Variants in CNTN4 observed in about 807,000 individuals in gnomAD.
CNTN4 encodes contactin 4.
CNTN4 carries 77 observed loss-of-function variants against 122.5 expected under a neutral mutation model. That is an observed-to-expected ratio of 0.63 (90% CI 0.52 to 0.76). CNTN4 has a LOEUF of 0.76. Ranked by LOEUF, CNTN4 falls within the 30% of genes least tolerant of loss-of-function variation. CNTN4 has a pLI of 0.00. For synonymous variants in CNTN4, 512 were observed against 447.0 expected (o/e 1.15, Z -1.83); for missense variants, 1,256 against 1,259.1 (o/e 1.00, Z 0.04).
chr3:3,042,702 C>A (rs1375505109), intron 21 of CNTN4: 15 of 584,710 alleles, frequency 2.6e-5, no homozygotes, highest in Middle Eastern at 4.5e-4. Context: ...TGCCCAGGAT[C>A]ACTTTGACTC....
intron 23 of CNTN4, among the ~76,000 whole-genome samples, chr3:3,047,196 C>A (rs567089429): frequency 6.6e-6 from 1 of 152,082 alleles, no homozygotes. Context: ...TAACACCCCA[C>A]TGTCAACATC....
chr3:2,211,878 T>C (rs945568376), intron 2 of CNTN4, among the ~76,000 whole-genome samples: 1 of 152,188 alleles, frequency 6.6e-6, no homozygotes, highest in Non-Finnish European at 1.5e-5. Context: ...ATAGGGTATG[T>C]TTTTAAAATT....
chr3:2,670,472 T>G (rs1219264193), intron 4 of CNTN4, among the ~76,000 whole-genome samples: 2 of 152,220 alleles, frequency 1.3e-5, no homozygotes, highest in Non-Finnish European at 2.9e-5. Context: ...CCCTTTACTT[T>G]GAGCCTATGT....
chr3:2,417,774 C>T (rs188006981), intron 3 of CNTN4, among the ~76,000 whole-genome samples: 1 of 152,164 alleles, frequency 6.6e-6, no homozygotes, highest in African/African-American at 2.4e-5. Context: ...CTGTGGTACA[C>T]CTAGAGAATG....
intron 2 of CNTN4, among the ~76,000 whole-genome samples, chr3:2,137,459 G>A (rs2034749504): frequency 6.6e-6 from 1 of 151,780 alleles, no homozygotes; most frequent in African/African-American, 2.4e-5. Context: ...GGGATGTCTT[G>A]TCTATATTTT....
intron 16 of CNTN4, 33 bp from the exon 17 acceptor site, chr3:3,034,599 T>G (rs1282593035): frequency 6.2e-7 from 1 of 1,612,522 alleles, no homozygotes; most frequent in Admixed American, 1.7e-5. Flanking sequence ...TTGAATACAC[T>G]GCTCCAATTC....
chr3:2,667,080 G>A (rs7646291), intron 4 of CNTN4, among the ~76,000 whole-genome samples: 65,167 of 151,816 alleles, frequency 0.43, 14,556 homozygotes, highest in South Asian at 0.57. Flanking sequence ...TAGCAGCATG[G>A]TTTATAATCC....
chr3:2,795,520 C>CTTTTTT (rs11329789), intron 6 of CNTN4, among the ~76,000 whole-genome samples: 3 of 139,112 alleles, frequency 2.2e-5, no homozygotes, highest in Non-Finnish European at 3.1e-5. Context: ...AAATGGGTAT[C>CTTTTTT]TTTTTTTTTT....
At chr3:2,818,920 C>T (rs1487615509) in intron 6 of CNTN4, among the ~76,000 whole-genome samples, 1 of 152,130 alleles carries the variant, frequency 6.6e-6, no homozygotes, top group East Asian at 1.9e-4. Flanking sequence ...TAAAGAGAGA[C>T]AGTCACACTC....
At chr3:2,732,469 C>T (rs755331955) in intron 4 of CNTN4, among the ~76,000 whole-genome samples, 2 of 151,440 alleles carry the variant, frequency 1.3e-5, no homozygotes, top group African/African-American at 2.4e-5. Context: ...AAATCACAGC[C>T]ACTCTTCTGG....
intron 3 of CNTN4, among the ~76,000 whole-genome samples, chr3:2,377,697 G>A (rs7622523): frequency 0.024 from 3,692 of 152,258 alleles, 163 homozygotes; most frequent in African/African-American, 0.083. Context: ...CCTGTGGACC[G>A]CATGTGGCCA....
At chr3:2,297,243 C>T (rs1392777351) in intron 2 of CNTN4, among the ~76,000 whole-genome samples, 1 of 152,118 alleles carries the variant, frequency 6.6e-6, no homozygotes, top group Admixed American at 6.5e-5. Context: ...GCACAGAAAG[C>T]TTCGTAATTT....
intron 3 of CNTN4, among the ~76,000 whole-genome samples, chr3:2,390,047 G>C (rs1164750045): frequency 6.6e-6 from 1 of 152,112 alleles, no homozygotes; most frequent in African/African-American, 2.4e-5. Context: ...GGAAAAATAT[G>C]AATAGGGTGT....
At position 2,798,365 on chromosome 3, in the gene CNTN4, A is replaced by ATCT. The variant is rs60905770; in HGVS notation, c.359-21121_359-21120insTCT. ...ATACATACTATATCTATACACACAT[A>ATCT]AATCTATCTATCTATCTATCTATCT... On this transcript the variant is annotated intron_variant, in intron 6 of 24. Transcript: ENST00000418658. Among the ~76,000 whole-genome samples the ATCT allele has an allele frequency of 1.9e-3, 279 of 143,502 alleles. 2 individuals carry two copies. Among genetic ancestry groups the ATCT allele is most frequent in the Admixed American group, 3.6e-3 (51 of 14,050 alleles). 94.1% of individuals were successfully genotyped at this position (143,502 alleles called of 152,430 possible). A position where few individuals can be genotyped will look rare whatever the true frequency, so the allele number is the denominator to read the frequency against.
At chr3:2,991,959 C>G (rs541024462) in intron 14 of CNTN4, among the ~76,000 whole-genome samples, 17 of 152,294 alleles carry the variant, frequency 1.1e-4, no homozygotes, top group African/African-American at 4.1e-4. Context: ...GAAGGTCGGG[C>G]GTCAGAACAT....
intron 4 of CNTN4, among the ~76,000 whole-genome samples, chr3:2,656,670 T>G (rs773427911): frequency 5.3e-5 from 8 of 152,178 alleles, no homozygotes; most frequent in Non-Finnish European, 1.2e-4. Flanking sequence ...AAAAGGGAGG[T>G]CTAAGCTAAT....
chr3:2,694,494 G>A (rs993830347), intron 4 of CNTN4, among the ~76,000 whole-genome samples: 2 of 152,084 alleles, frequency 1.3e-5, no homozygotes, highest in African/African-American at 4.8e-5. Context: ...TGTAATTTCA[G>A]GACTTTAGGT....
At position 2,528,097 on chromosome 3, in the gene CNTN4, AT is replaced by A. The variant is rs367735306; in HGVS notation, c.-88-43314del. On this transcript the variant is annotated intron_variant, in intron 3 of 24. Transcript: ENST00000418658. ...TGGGGTGAGGTAAGTAGGTGTTCAG[AT>A]TTTTATTGATGTCAAGGCCTCCTCT... Among the ~76,000 whole-genome samples, 1,455 of 152,180 alleles carry A rather than the reference AT, an allele frequency of 9.6e-3. 23 individuals are homozygous for A. Among genetic ancestry groups the A allele is most frequent in the African/African-American group, 0.034 (1,400 of 41,528 alleles).
intron 3 of CNTN4, among the ~76,000 whole-genome samples, chr3:2,506,930 G>T (rs1187759198): frequency 6.6e-6 from 1 of 152,086 alleles, no homozygotes; most frequent in Non-Finnish European, 1.5e-5. Context: ...CATGCCTCCA[G>T]TCATGTGTTC....
Sources: allele counts gnomAD v4.1 joint callset (sites outside exome capture counted in the v4.1 genomes callset), GRCh38; gene constraint gnomAD v4.1.1; transcripts MANE v1.5; gene names NCBI Gene and HGNC (gene_info 2026-07-23, HGNC 2026-07-21).